The following KCNG2 variants were observed in gnomAD, a reference collection of about 807,000 sequenced individuals.
The protein encoded by KCNG2 is voltage-gated potassium channel regulatory subunit KCNG2.
In KCNG2, 7 loss-of-function variants were observed where a neutral mutation model predicts 12.3. The ratio of observed to expected loss-of-function variants is 0.57; its 90% CI spans 0.32 to 1.07. KCNG2 has a LOEUF of 1.07. Ranked by LOEUF, KCNG2 falls within the 50% of genes least tolerant of loss-of-function variation. The pLI is 0.04. For missense variants in KCNG2, 703 were observed against 726.0 expected, an observed-to-expected ratio of 0.97 and a Z score of 0.36; for synonymous variants, 414 against 351.4, an observed-to-expected ratio of 1.18 and a Z score of -1.99.
At chr18:79,829,582 T>G (rs1978290262) in intron 1 of KCNG2, among the ~76,000 whole-genome samples, 1 of 152,036 alleles carries the variant, frequency 6.6e-6, no homozygotes, top group Admixed American at 6.6e-5. Flanking sequence ...TCCCTATGGC[T>G]GGTCAGTCTC....
chr18:79,887,918 G>GA (rs768695254), intron 3 of KCNG2, among the ~76,000 whole-genome samples: 3 of 152,168 alleles, frequency 2.0e-5, no homozygotes, highest in Non-Finnish European at 4.4e-5. Context: ...GCTGCAGAGG[G>GA]AGGCGAATGG....
chr18:79,814,809 G>T (rs1403371002), intron 1 of KCNG2, among the ~76,000 whole-genome samples: 1 of 152,060 alleles, frequency 6.6e-6, no homozygotes, highest in Non-Finnish European at 1.5e-5. Context: ...CTTAGTAGAA[G>T]TTCTGGGTAA....
At chr18:79,827,657 C>T (rs945527847) in intron 1 of KCNG2, among the ~76,000 whole-genome samples, 2 of 152,126 alleles carry the variant, frequency 1.3e-5, no homozygotes, top group African/African-American at 4.8e-5. Flanking sequence ...CTCAGCCTCC[C>T]CCCTGGATTT....
At chr18:79,856,354 G>A (rs749600493) in intron 1 of KCNG2, among the ~76,000 whole-genome samples, 25 bp from the exon 2 acceptor site, 36 of 152,200 alleles carry the variant, frequency 2.4e-4, no homozygotes, top group South Asian at 4.1e-4. Context: ...GTCCCTTAGG[G>A]TGAAACTGGA....
intron 1 of KCNG2, among the ~76,000 whole-genome samples, chr18:79,828,814 G>A (rs1978288460): frequency 7.9e-6 from 1 of 126,380 alleles, no homozygotes; most frequent in Admixed American, 7.8e-5. Flanking sequence ...GGGTGTCTAT[G>A]TGTGCGTGTG....
In KCNG2 at chr18:79,822,753, C is replaced by G. The variant is rs536277736; in HGVS notation, c.-115+24739C>G. On this transcript the variant is annotated intron_variant, in intron 1 of 3. Coordinates refer to ENST00000316249, the MANE Select transcript of KCNG2 (RefSeq NM_012283.2). This position sits in a 1 kb window ranked among gnomAD's most constrained non-coding sequence, Gnocchi z 4.4. ...CTTCAAACGTGTGCTGTGCTCACCC[C>G]GAGAGACTGGAGCCTGCTGCGTGTG... is the stretch of plus-strand genomic sequence containing the variant. Among the ~76,000 whole-genome samples the G allele has an allele frequency of 6.6e-5, 10 of 152,296 alleles. No homozygotes were observed. The highest frequency in any genetic ancestry group is 1.7e-4 in the African/African-American group (7 of 41,558).
At chr18:79,852,074 G>A (rs953569358) in intron 1 of KCNG2, among the ~76,000 whole-genome samples, 2 of 152,222 alleles carry the variant, frequency 1.3e-5, no homozygotes, top group African/African-American at 4.8e-5. Context: ...AGCTCTAATT[G>A]TTAACGCTGC....
chr18:79,835,367 A>G (rs1343837462), intron 1 of KCNG2, among the ~76,000 whole-genome samples: 1 of 152,276 alleles, frequency 6.6e-6, no homozygotes, highest in Non-Finnish European at 1.5e-5. Flanking sequence ...AGATGATAGT[A>G]ATGTCGAAAT....
chr18:79,874,819 G>A (rs1318639698), intron 3 of KCNG2, among the ~76,000 whole-genome samples: 2 of 152,194 alleles, frequency 1.3e-5, no homozygotes, highest in African/African-American at 4.8e-5. Context: ...GCTCTGCCAC[G>A]GTCACGTGTG....
intron 3 of KCNG2, among the ~76,000 whole-genome samples, chr18:79,870,506 G>C (rs548024298): frequency 5.9e-5 from 9 of 152,188 alleles, no homozygotes; most frequent in Admixed American, 5.9e-4. Flanking sequence ...TGCGCTGGGC[G>C]GCTGCTGTGT....
intron 1 of KCNG2, among the ~76,000 whole-genome samples, chr18:79,817,130 C>G (rs768718841): frequency 1.3e-5 from 2 of 151,872 alleles, no homozygotes; most frequent in African/African-American, 4.8e-5. Context: ...ATGGCTGTCA[C>G]GCAGCTGCCA....
chr18:79,855,148 G>T (rs1353833113), intron 1 of KCNG2, among the ~76,000 whole-genome samples: 2 of 152,068 alleles, frequency 1.3e-5, no homozygotes, highest in Non-Finnish European at 2.9e-5. Context: ...GGCTGTGTGT[G>T]CTGGCATGTG....
chr18:79,854,370 T>A (rs1252596327), intron 1 of KCNG2, among the ~76,000 whole-genome samples: 1 of 152,196 alleles, frequency 6.6e-6, no homozygotes, highest in East Asian at 1.9e-4. Context: ...CGGCATCAAT[T>A]TCCCCTGGTT....
intron 1 of KCNG2, among the ~76,000 whole-genome samples, chr18:79,835,566 C>T (rs1196662415): frequency 2.6e-5 from 4 of 152,058 alleles, no homozygotes; most frequent in East Asian, 3.9e-4. Flanking sequence ...CAGTGGTAGA[C>T]GGAGTAGACG....
intron 1 of KCNG2, among the ~76,000 whole-genome samples, chr18:79,829,601 AC>A (rs1334639019): frequency 3.2e-4 from 48 of 151,786 alleles, no homozygotes; most frequent in Admixed American, 1.6e-3. Flanking sequence ...TCTGCCTCAC[AC>A]CGGTCCTTCT....
chr18:79,861,261 TTCTC>T (rs1555694058), intron 2 of KCNG2, among the ~76,000 whole-genome samples: 10 of 142,526 alleles, frequency 7.0e-5, no homozygotes, highest in African/African-American at 2.0e-4. Context: ...CTCTGTTTTC[TTCTC>T]TCTCTCTCTT....
rs1235069822 is a variant in KCNG2 at position 79,863,712 on chromosome 18, C to T, written c.45C>T (p.Arg15=). The T allele has an allele frequency of 3.7e-5, 45 of 1,205,104 alleles. No individual in the cohort carries two copies. In the African/African-American group the frequency reaches 7.1e-4, roughly 19 times the overall value. 74.7% of individuals were successfully genotyped at this position (1,205,104 alleles called of 1,614,324 possible). ...PCSPGGGGGT[R]ARHVIINVGG... is the part of the protein sequence containing the mutation. ...CCCCGGGCGGCGGCGGCGGGACCCG[C>T]GCCCGGCACGTCATCATCAACGTGG... Residue 15 remains arginine (R), a synonymous_variant, in exon 3 of 4, where the codon CGC becomes CGT. Coordinates refer to ENST00000316249, the MANE Select transcript of KCNG2 (RefSeq NM_012283.2).
At chr18:79,866,607 G>GGTGCTGAGAGGTCTGT (rs1238562512) in intron 3 of KCNG2, among the ~76,000 whole-genome samples, 1 of 125,952 alleles carries the variant, frequency 7.9e-6, no homozygotes, top group Non-Finnish European at 1.7e-5. Flanking sequence ...CTGAGGTCTG[G>GGTGCTGAGAGGTCTGT]GTGCTGAGAG....
intron 1 of KCNG2, among the ~76,000 whole-genome samples, chr18:79,805,166 G>A (rs3744839): frequency 0.098 from 14,959 of 152,174 alleles, 1,311 homozygotes; most frequent in South Asian, 0.35. Context: ...TTTGCATATC[G>A]TCAAAAGTTA....
Sources: allele counts gnomAD v4.1 joint callset (sites outside exome capture counted in the v4.1 genomes callset), GRCh38; gene constraint gnomAD v4.1.1; non-coding constraint Gnocchi (gnomAD v3.1); transcripts MANE v1.5; gene names NCBI Gene and HGNC (gene_info 2026-07-23, HGNC 2026-07-21).